Variants in DYNC2H1 observed in about 807,000 individuals in gnomAD.
DYNC2H1 encodes cytoplasmic dynein 2 heavy chain 1.
A neutral mutation model predicts 570.0 loss-of-function variants in DYNC2H1; 410 were observed. That is an observed-to-expected ratio of 0.72 (90% CI 0.66 to 0.78). The LOEUF is 0.78. DYNC2H1 is among the 30% of genes least tolerant of loss of function. The pLI, the probability that DYNC2H1 is intolerant of heterozygous loss-of-function variation, is 0.00. For synonymous variants in DYNC2H1, 1,688 were observed against 1,677.6 expected (o/e 1.01, Z -0.15); for missense variants, 4,865 against 5,046.4 (o/e 0.96, Z 1.09).
chr11:103,454,661 T>C (rs576589338), intron 85 of DYNC2H1, among the ~76,000 whole-genome samples: 11 of 152,340 alleles, frequency 7.2e-5, no homozygotes, highest in Non-Finnish European at 1.6e-4. Flanking sequence ...AAAATGCTTA[T>C]GAAATATACT....
intron 79 of DYNC2H1, among the ~76,000 whole-genome samples, chr11:103,313,952 T>A (rs528007744): frequency 6.6e-6 from 1 of 152,296 alleles, no homozygotes; most frequent in African/African-American, 2.4e-5. Context: ...AATCTTTTTT[T>A]TCCTGACTTC....
chr11:103,398,553 C>T (rs2135640349), intron 83 of DYNC2H1, among the ~76,000 whole-genome samples: 1 of 152,190 alleles, frequency 6.6e-6, no homozygotes, highest in East Asian at 1.9e-4. Flanking sequence ...ATAGACTCGT[C>T]AATGTGGCAA....
In DYNC2H1 at chr11:103,115,310, A is replaced by G; in HGVS notation, c.621+15A>G. On this transcript the variant is annotated intron_variant, in intron 4 of 88. Coordinates refer to ENST00000375735, the MANE Select transcript of DYNC2H1 (RefSeq NM_001377.3). ...CAATTGCAAGAGTATGTGATTCATAAATGGTGATATATTGGGCTTCTTATA... is the reference window on the plus strand; with the variant it reads ...CAATTGCAAGAGTATGTGATTCATAGATGGTGATATATTGGGCTTCTTATA... 1.3e-6 allele frequency: 2 copies of G among 1,526,546 alleles called. No individual in the cohort carries two copies. Among genetic ancestry groups the G allele is most frequent in the South Asian group, 2.4e-5 (2 of 82,198 alleles). The allele number at this position is 1,526,546 out of a possible 1,614,324, so 94.6% of individuals were successfully genotyped here. A position where few individuals can be genotyped will look rare whatever the true frequency, so the allele number is the denominator to read the frequency against.
At chr11:103,144,465 G>A (rs939057580) in intron 18 of DYNC2H1, among the ~76,000 whole-genome samples, 1 of 152,128 alleles carries the variant, frequency 6.6e-6, no homozygotes, top group Non-Finnish European at 1.5e-5. Context: ...CAAAATCAAG[G>A]AAAATCTTTG....
rs1863062854 is a variant in DYNC2H1 at position 103,209,427 on chromosome 11, G to C, written c.8455-449G>C. On this transcript the variant is annotated intron_variant, in intron 52 of 88. Transcript: ENST00000375735. The surrounding 1 kb of genome is among the most constrained non-coding windows in gnomAD (Gnocchi z 4.2). ...GAGAATATACTTTTTAGAATGATCAGTTATGAAATTATTGATTATAAAATT... is the reference window on the plus strand; with the variant it reads ...GAGAATATACTTTTTAGAATGATCACTTATGAAATTATTGATTATAAAATT... Among the ~76,000 whole-genome samples the C allele has an allele frequency of 6.6e-6, 1 of 151,754 alleles. No homozygotes were observed. Among genetic ancestry groups the C allele is most frequent in the South Asian group, 2.1e-4 (1 of 4,812 alleles).
Position 103,327,209 on chromosome 11 carries a change from T to G in DYNC2H1, c.12039+3219T>G, listed in dbSNP as rs7113009. ...TTCTTCCCCAAGATCTGCCCAAATT[T>G]TGTTGGATTACTTGATAATTTGGTA... On this transcript the variant is annotated intron_variant, in intron 82 of 88. Coordinates refer to ENST00000375735, the MANE Select transcript of DYNC2H1 (RefSeq NM_001377.3). Among the ~76,000 whole-genome samples, 455 of 152,108 alleles carry G rather than the reference T, an allele frequency of 3.0e-3. 1 individual carries two copies. The highest frequency in any genetic ancestry group is 0.011 in the African/African-American group (439 of 41,508).
In DYNC2H1 at chr11:103,254,886, C is replaced by T. The variant is rs1565435554; in HGVS notation, c.10207-529C>T. On this transcript the variant is annotated intron_variant, in intron 66 of 88. Transcript: ENST00000375735. This position sits in a 1 kb window ranked among gnomAD's most constrained non-coding sequence, Gnocchi z 4.9. ...TCCTAGGTTTAAGCTATTCTCCTGC[C>T]TCAGCCTCCCGAGTAGCTGGGATTA... Among the ~76,000 whole-genome samples the T allele has an allele frequency of 6.6e-6, 1 of 152,078 alleles. No individual in the cohort carries two copies. The highest frequency in any genetic ancestry group is 1.5e-5 in the Non-Finnish European group (1 of 68,014).
At chr11:103,253,192 A>G (rs984791994) in intron 65 of DYNC2H1, 93 bp from the exon 66 acceptor site, 5 of 1,300,242 alleles carry the variant, frequency 3.8e-6, no homozygotes, top group East Asian at 2.6e-5. Context: ...CGAAAAGCCT[A>G]TATTTAGAAG....
Position 103,325,527 on chromosome 11 carries a change from T to G in DYNC2H1, c.12039+1537T>G, listed in dbSNP as rs956730197. 6.6e-6 allele frequency among the ~76,000 whole-genome samples: 1 copy of G among 152,208 alleles called. No individual in the cohort carries two copies. Among genetic ancestry groups the G allele is most frequent in the Non-Finnish European group, 1.5e-5 (1 of 68,040 alleles). Reference sequence around the variant, plus strand: ...AAAGATCGTCAGATTGTTGTAGGTGTGTAGCTTTATTTCTAGGCCCTCTAT... The same window carrying G: ...AAAGATCGTCAGATTGTTGTAGGTGGGTAGCTTTATTTCTAGGCCCTCTAT... On this transcript the variant is annotated intron_variant, in intron 82 of 88. Coordinates refer to ENST00000375735, the MANE Select transcript of DYNC2H1 (RefSeq NM_001377.3). The surrounding 1 kb of genome is among the most constrained non-coding windows in gnomAD (Gnocchi z 4.8).
chr11:103,109,706 T>C lies in DYNC2H1; in HGVS notation c.132T>C (p.Asp44=), dbSNP rs752016874. 2.4e-5 allele frequency: 38 copies of C among 1,613,862 alleles called. No individual in the cohort carries two copies. Among genetic ancestry groups the C allele is most frequent in the Non-Finnish European group, 2.9e-5 (34 of 1,179,894 alleles). The change falls in exon 1 of 89, where the codon GAT becomes GAC. Residue 44 remains aspartate (D), a synonymous_variant. Transcript: ENST00000375735. ...GTCTTGAAATCAACAACTTCTTGGATGACGGCAACCAGATGCTCCTCAGGG... is the reference window on the plus strand; with the variant it reads ...GTCTTGAAATCAACAACTTCTTGGACGACGGCAACCAGATGCTCCTCAGGG... ...CNCLEINNFL[D]DGNQMLLRVQ...
rs977170523 is a variant in DYNC2H1, at chr11:103,309,004, C to T, written c.11493+1173C>T. Among the ~76,000 whole-genome samples the T allele has an allele frequency of 2.0e-5, 3 of 151,958 alleles. No homozygotes were observed. The East Asian group carries it at 5.8e-4, about 29-fold the overall frequency. On this transcript the variant is annotated intron_variant, in intron 78 of 88. Coordinates refer to ENST00000375735, the MANE Select transcript of DYNC2H1 (RefSeq NM_001377.3). ...CCTGCCTTCCTTCTATGCTTATGTC[C>T]ATCCATCCTTGTATCTCTCTAATAT...
Position 103,234,023 on chromosome 11 carries a change from T to A in DYNC2H1, c.9441-11T>A. 1.3e-6 allele frequency: 2 copies of A among 1,546,082 alleles called. No individual in the cohort carries two copies. The highest frequency in any genetic ancestry group is 1.7e-6 in the Non-Finnish European group (2 of 1,144,734). On this transcript the variant is annotated splice_polypyrimidine_tract_variant and intron_variant, in intron 60 of 88. Transcript: ENST00000375735. Reference sequence around the variant, plus strand: ...CTTTTTGCTTTTAATTAAATTTTAATGTTTACATAGATTTCAGAGCAGGAC... The same window carrying A: ...CTTTTTGCTTTTAATTAAATTTTAAAGTTTACATAGATTTCAGAGCAGGAC...
chr11:103,158,679 C>A lies in DYNC2H1; in HGVS notation c.4130C>A (p.Ser1377Ter). ...AGATACTTTTTTTTCTTTTGTAGAT[C>A]AATAATGACTGATATCAAGAAAGAC... ...RFNRVDEDFR[S>*]IMTDIKKDNR... The change falls in exon 27 of 89, where the codon TCA becomes TAA. Residue 1377 changes from serine to a stop codon, truncating the protein, a stop_gained and splice_region_variant. Coordinates refer to ENST00000375735, the MANE Select transcript of DYNC2H1 (RefSeq NM_001377.3). LOFTEE classifies it high-confidence loss of function. The A allele has an allele frequency of 6.6e-7, 1 of 1,521,194 alleles. No homozygotes were observed. Among genetic ancestry groups the A allele is most frequent in the South Asian group, 1.3e-5 (1 of 77,426 alleles). 94.2% of individuals were successfully genotyped at this position (1,521,194 alleles called of 1,614,324 possible). A position where few individuals can be genotyped will look rare whatever the true frequency, so the allele number is the denominator to read the frequency against.
intron 60 of DYNC2H1, among the ~76,000 whole-genome samples, chr11:103,233,618 T>C (rs559145935): frequency 6.6e-6 from 1 of 151,946 alleles, no homozygotes; most frequent in African/African-American, 2.4e-5. Context: ...ACACTGGAGA[T>C]GAAGGATAGG....
chr11:103,194,871 C>A (rs1185562838), intron 47 of DYNC2H1, among the ~76,000 whole-genome samples: 1 of 152,120 alleles, frequency 6.6e-6, no homozygotes, highest in African/African-American at 2.4e-5. Context: ...GCGTGCACCA[C>A]CTCGCCCAGC....
intron 85 of DYNC2H1, among the ~76,000 whole-genome samples, chr11:103,451,989 CATTCTG>C: frequency 6.6e-6 from 1 of 152,038 alleles, no homozygotes; most frequent in African/African-American, 2.4e-5. Context: ...GAAAGTCCAC[CATTCTG>C]TAATCAGATG....
At chr11:103,290,324 T>C (rs949397552) in intron 75 of DYNC2H1, among the ~76,000 whole-genome samples, 41 of 152,280 alleles carry the variant, frequency 2.7e-4, no homozygotes, top group East Asian at 1.2e-3. Context: ...GGTTGGTTAA[T>C]GATGAGTATA....
At chr11:103,442,885 A>G (rs1386300223) in intron 85 of DYNC2H1, among the ~76,000 whole-genome samples, 2 of 152,004 alleles carry the variant, frequency 1.3e-5, no homozygotes, top group Admixed American at 1.3e-4. Flanking sequence ...CCCTGCATGT[A>G]ACCAGTGATT....
rs375086817 is a variant in DYNC2H1, at chr11:103,312,046, A to G, written c.11649+13A>G. 2.7e-4 allele frequency: 431 copies of G among 1,598,310 alleles called. No individual in the cohort carries two copies. The highest frequency in any genetic ancestry group is 3.4e-4 in the Non-Finnish European group (403 of 1,175,648). On this transcript the variant is annotated intron_variant, in intron 79 of 88. Transcript: ENST00000375735. ...CTATATTCCTCAGGTAAGTAAGAAC[A>G]TGTCTTGAATACATTCTAAGCTTTA...
Sources: gnomAD v4.1 joint callset for allele counts (sites outside exome capture counted in the v4.1 genomes callset) on GRCh38, gnomAD v4.1.1 for gene constraint, Gnocchi (gnomAD v3.1) non-coding constraint, MANE v1.5 for transcripts, NCBI Gene and HGNC (gene_info 2026-07-23, HGNC 2026-07-21) for gene names.